The following AIDA variants were observed in gnomAD, a reference collection of about 807,000 sequenced individuals.
AIDA encodes the protein axin interactor, dorsalization-associated protein.
AIDA carries 18 observed loss-of-function variants against 42.7 expected under a neutral mutation model. The observed-to-expected ratio is 0.42, with a 90% CI of 0.29 to 0.63. AIDA has a LOEUF of 0.63. Ranked by LOEUF, AIDA falls within the 20% of genes least tolerant of loss-of-function variation. AIDA has a pLI of 0.19. For synonymous variants in AIDA, 104 were observed against 122.9 expected (o/e 0.85, Z 1.02); for missense variants, 250 against 354.1 (o/e 0.71, Z 2.36).
intron 1 of AIDA, among the ~76,000 whole-genome samples, chr1:222,705,806 C>T (rs1399746642): frequency 6.6e-6 from 1 of 152,004 alleles, no homozygotes; most frequent in Non-Finnish European, 1.5e-5. Context: ...ATCGCTTGAA[C>T]CCGGGAGGCA....
chr1:222,706,063 C>T (rs1655831182), intron 1 of AIDA, among the ~76,000 whole-genome samples: 1 of 151,938 alleles, frequency 6.6e-6, no homozygotes, highest in African/African-American at 2.4e-5. Context: ...GGAAAGGAAG[C>T]ATACAAAAAG....
chr1:222,679,207 T>C (rs1334075421), intron 6 of AIDA, among the ~76,000 whole-genome samples: 2 of 152,068 alleles, frequency 1.3e-5, no homozygotes, highest in Non-Finnish European at 2.9e-5. Context: ...GTTAACATAT[T>C]TGTGTATCAA....
Position 222,709,489 on chromosome 1 carries a change from G to GA in AIDA, c.110+2718dup, listed in dbSNP as rs567544936. 1.2e-4 allele frequency among the ~76,000 whole-genome samples: 19 copies of GA among 152,078 alleles called. No individual in the cohort carries two copies. In the East Asian group the frequency reaches 3.3e-3, roughly 26 times the overall value. On this transcript the variant is annotated intron_variant, in intron 1 of 9. Coordinates refer to ENST00000340020, the MANE Select transcript of AIDA (RefSeq NM_022831.4). ...ATTTTTGATTGTGGTAAGTACCATG[G>GA]AAAAAAATGAAAAAAATGAAGCAGG... is the stretch of plus-strand genomic sequence containing the variant.
At chr1:222,703,388 A>G (rs148116261) in intron 1 of AIDA, among the ~76,000 whole-genome samples, 171 bp from the exon 2 acceptor site, 74 of 152,368 alleles carry the variant, frequency 4.9e-4, no homozygotes, top group African/African-American at 1.8e-3. Flanking sequence ...TCTTTATACA[A>G]TGATGATGAA....
intron 6 of AIDA, among the ~76,000 whole-genome samples, chr1:222,677,117 G>A (rs962886781): frequency 6.6e-6 from 1 of 151,828 alleles, no homozygotes; most frequent in East Asian, 1.9e-4. Flanking sequence ...TACTTCTTTT[G>A]TTGGGTTTAT....
intron 6 of AIDA, among the ~76,000 whole-genome samples, chr1:222,681,708 A>G (rs1424493097): frequency 1.3e-5 from 2 of 152,192 alleles, no homozygotes; most frequent in African/African-American, 4.8e-5. Context: ...ACAAGTGTCT[A>G]ACCTAGCAAC....
chr1:222,696,776 T>C (rs1000175183), intron 2 of AIDA, among the ~76,000 whole-genome samples: 4 of 152,264 alleles, frequency 2.6e-5, no homozygotes, highest in Admixed American at 6.5e-5. Flanking sequence ...AATTACTAAG[T>C]CTTTTAAAGC....
At chr1:222,704,995 A>G (rs964042090) in intron 1 of AIDA, among the ~76,000 whole-genome samples, 2 of 152,210 alleles carry the variant, frequency 1.3e-5, no homozygotes, top group African/African-American at 4.8e-5. Flanking sequence ...AATGTACTAG[A>G]TGGGAGTTCT....
intron 4 of AIDA, among the ~76,000 whole-genome samples, chr1:222,689,674 A>C (rs1198487692): frequency 1.3e-5 from 2 of 150,436 alleles, no homozygotes; most frequent in Non-Finnish European, 3.0e-5. Flanking sequence ...ATGATATTAC[A>C]AAAGAGTCAA....
chr1:222,701,478 T>C (rs1388184601), intron 2 of AIDA, among the ~76,000 whole-genome samples: 1 of 152,206 alleles, frequency 6.6e-6, no homozygotes. Context: ...TTAATTTATA[T>C]ATGTGGCTAT....
chr1:222,689,264 C>A, intron 4 of AIDA, among the ~76,000 whole-genome samples: 1 of 150,844 alleles, frequency 6.6e-6, no homozygotes, highest in East Asian at 2.0e-4. Flanking sequence ...ACAGTGAAAC[C>A]CCATCTCTAC....
chr1:222,699,177 T>C (rs1368919565), intron 2 of AIDA, among the ~76,000 whole-genome samples: 3 of 152,186 alleles, frequency 2.0e-5, no homozygotes, highest in African/African-American at 7.2e-5. Context: ...GTGCAAACTA[T>C]TGAACGGTTG....
chr1:222,682,032 G>C (rs915393033), intron 6 of AIDA, among the ~76,000 whole-genome samples: 1 of 152,210 alleles, frequency 6.6e-6, no homozygotes, highest in Non-Finnish European at 1.5e-5. Context: ...TGGAGATTAC[G>C]GAGAACCAGA....
chr1:222,685,142 C>T lies in AIDA; in HGVS notation c.460+1788G>A, dbSNP rs74145530. On this transcript the variant is annotated intron_variant, in intron 6 of 9. Transcript: ENST00000340020. ...TAAGAGCTACCATTGATAGTGCCTG[C>T]AATGTTTCCAATAACCCTGCAGTAT... Among the ~76,000 whole-genome samples the T allele has an allele frequency of 6.9e-3, 1,049 of 152,258 alleles. 10 individuals carry two copies. The highest frequency in any genetic ancestry group is 0.022 in the African/African-American group (905 of 41,546).
rs544171778 is a variant in AIDA, at chr1:222,696,939, GTTTGTT to G, written c.181-2682_181-2677del. Among the ~76,000 whole-genome samples the G allele has an allele frequency of 2.8e-4, 43 of 151,748 alleles. 1 individual carries two copies. The South Asian group carries it at 9.0e-3, about 32-fold the overall frequency. ...GAAGCAGAAGCAACAGGTGTTTTTTGTTTGTTTTTGTTTTTTTTTAATATACGGAGT... is the reference window on the plus strand; with the variant it reads ...GAAGCAGAAGCAACAGGTGTTTTTTGTTTGTTTTTTTTTAATATACGGAGT... On this transcript the variant is annotated intron_variant, in intron 2 of 9. Transcript: ENST00000340020.
intron 4 of AIDA, among the ~76,000 whole-genome samples, chr1:222,690,427 A>T (rs1224622148): frequency 6.6e-6 from 1 of 152,174 alleles, no homozygotes; most frequent in East Asian, 1.9e-4. Flanking sequence ...TTCTGGCCTT[A>T]TGGGTGCCCA....
intron 2 of AIDA, among the ~76,000 whole-genome samples, chr1:222,697,665 A>T (rs1655560384): frequency 6.6e-6 from 1 of 152,198 alleles, no homozygotes; most frequent in Non-Finnish European, 1.5e-5. Context: ...AAAGGAAAAG[A>T]TGGAATAGAA....
chr1:222,710,473 A>G (rs17466896), intron 1 of AIDA, among the ~76,000 whole-genome samples: 16,696 of 152,270 alleles, frequency 0.11, 1,030 homozygotes, highest in African/African-American at 0.13. Flanking sequence ...TCCATTGTGA[A>G]GTCGGCTGCC....
intron 7 of AIDA, among the ~76,000 whole-genome samples, chr1:222,674,765 T>A (rs1263561882): frequency 6.6e-6 from 1 of 152,210 alleles, no homozygotes; most frequent in Non-Finnish European, 1.5e-5. Context: ...ACTACTCAAG[T>A]GTTTATGTAT....
Sources: gnomAD v4.1 joint callset for allele counts (sites outside exome capture counted in the v4.1 genomes callset) on GRCh38, gnomAD v4.1.1 for gene constraint, MANE v1.5 for transcripts, NCBI Gene and HGNC (gene_info 2026-07-23, HGNC 2026-07-21) for gene names.